Variants in RSPO2 observed in about 807,000 individuals in gnomAD.
RSPO2 encodes R-spondin-2.
Under a neutral mutation model 30.9 loss-of-function variants are expected in RSPO2, and 14 were observed. That is an observed-to-expected ratio of 0.45 (90% CI 0.30 to 0.71). RSPO2 has a LOEUF of 0.71. RSPO2 is among the 30% of genes least tolerant of loss of function. RSPO2 has a pLI of 0.08. For synonymous variants in RSPO2, 107 were observed against 96.4 expected (o/e 1.11, Z -0.64); for missense variants, 264 against 301.9 (o/e 0.87, Z 0.93).
chr8:107,904,451 A>G (rs143304622), intron 5 of RSPO2, among the ~76,000 whole-genome samples: 2 of 152,122 alleles, frequency 1.3e-5, no homozygotes, highest in African/African-American at 4.8e-5. Context: ...CTTTATCCCT[A>G]GTGTCTTGAG....
chr8:107,931,369 G>C (rs184153144), intron 5 of RSPO2, among the ~76,000 whole-genome samples: 13 of 152,222 alleles, frequency 8.5e-5, no homozygotes. Context: ...TTGGTAATTT[G>C]AGACCTGCAG....
intron 2 of RSPO2, among the ~76,000 whole-genome samples, chr8:108,047,432 T>C (rs374140382): frequency 6.6e-6 from 1 of 152,330 alleles, no homozygotes; most frequent in East Asian, 1.9e-4. Flanking sequence ...ATATATGCTC[T>C]TCAAAATACC....
At chr8:108,012,050 G>T (rs1040313296) in intron 2 of RSPO2, among the ~76,000 whole-genome samples, 2 of 152,124 alleles carry the variant, frequency 1.3e-5, no homozygotes, top group Admixed American at 6.5e-5. Context: ...ATACAGAATA[G>T]GTGGAAAGAA....
chr8:107,962,196 A>G (rs1813648192), intron 3 of RSPO2, among the ~76,000 whole-genome samples: 1 of 152,152 alleles, frequency 6.6e-6, no homozygotes, highest in Non-Finnish European at 1.5e-5. Flanking sequence ...AGTTCCTATA[A>G]GCAAAGCGAT....
intron 3 of RSPO2, among the ~76,000 whole-genome samples, chr8:107,979,610 G>T (rs1239040904): frequency 6.6e-6 from 1 of 151,892 alleles, no homozygotes; most frequent in Non-Finnish European, 1.5e-5. Context: ...GCACAACATG[G>T]CACATGTATA....
intron 2 of RSPO2, among the ~76,000 whole-genome samples, chr8:108,003,293 ATATATATATATATATATATTTTTTTTTTT>A (rs748854293): frequency 0.15 from 11,135 of 71,976 alleles, 840 homozygotes; most frequent in East Asian, 0.34. Flanking sequence ...ATATATATAT[ATATATATATATATATATATTTTTTTTTTT>A]TTTTTTTTTT....
chr8:107,993,367 C>T (rs1269463717), intron 2 of RSPO2, among the ~76,000 whole-genome samples: 2 of 152,088 alleles, frequency 1.3e-5, no homozygotes, highest in Non-Finnish European at 2.9e-5. Context: ...TATATTCAAA[C>T]TATTTGAGTT....
At chr8:107,930,249 G>T (rs986571880) in intron 5 of RSPO2, among the ~76,000 whole-genome samples, 3 of 152,142 alleles carry the variant, frequency 2.0e-5, no homozygotes, top group Admixed American at 1.3e-4. Context: ...GTTCACAGAG[G>T]TACTAAGTAA....
intron 2 of RSPO2, among the ~76,000 whole-genome samples, chr8:108,016,609 A>G (rs183780747): frequency 6.6e-6 from 1 of 152,358 alleles, no homozygotes; most frequent in East Asian, 1.9e-4. Context: ...TTTAACATAT[A>G]CACACACTAT....
At chr8:107,994,590 C>T (rs1449767165) in intron 2 of RSPO2, among the ~76,000 whole-genome samples, 2 of 152,028 alleles carry the variant, frequency 1.3e-5, no homozygotes, top group Non-Finnish European at 2.9e-5. Context: ...AGAAATGATA[C>T]AATCTGAAAT....
At chr8:108,058,281 C>T (rs1282208379) in intron 2 of RSPO2, among the ~76,000 whole-genome samples, 5 of 152,072 alleles carry the variant, frequency 3.3e-5, no homozygotes, top group African/African-American at 1.2e-4. Context: ...CCTAGGAATC[C>T]AATTTACAAG....
chr8:107,967,387 T>G (rs1489765486), intron 3 of RSPO2, among the ~76,000 whole-genome samples: 2 of 152,212 alleles, frequency 1.3e-5, no homozygotes, highest in African/African-American at 4.8e-5. Flanking sequence ...GTTATCAAAA[T>G]CATGCATTTC....
chr8:107,986,304 G>T (rs1454176788), intron 3 of RSPO2, among the ~76,000 whole-genome samples: 2 of 152,156 alleles, frequency 1.3e-5, no homozygotes, highest in African/African-American at 2.4e-5. Context: ...ATGGGGTCTT[G>T]TTAATAGCAC....
At chr8:108,025,556 A>G (rs1487480562) in intron 2 of RSPO2, among the ~76,000 whole-genome samples, 1 of 152,166 alleles carries the variant, frequency 6.6e-6, no homozygotes, top group Non-Finnish European at 1.5e-5. Flanking sequence ...GATATATCTC[A>G]TTCTGTCCCT....
At chr8:107,938,814 T>A (rs1812798313) in intron 5 of RSPO2, among the ~76,000 whole-genome samples, 1 of 152,172 alleles carries the variant, frequency 6.6e-6, no homozygotes, top group African/African-American at 2.4e-5. Flanking sequence ...TTTGATGAAC[T>A]GAGGCAGTTA....
intron 3 of RSPO2, among the ~76,000 whole-genome samples, chr8:107,980,687 T>C (rs1163936414): frequency 3.9e-5 from 6 of 152,152 alleles, no homozygotes; most frequent in Admixed American, 2.6e-4. Flanking sequence ...TGCTCATGCA[T>C]TTCCTCTAAA....
chr8:108,014,687 C>T (rs1171039719), intron 2 of RSPO2, among the ~76,000 whole-genome samples: 1 of 151,608 alleles, frequency 6.6e-6, no homozygotes, highest in Admixed American at 6.6e-5. Flanking sequence ...CACACTGGGG[C>T]CTGTCAGGTG....
chr8:108,067,598 GC>G (rs1436959007), intron 2 of RSPO2, among the ~76,000 whole-genome samples: 1 of 152,128 alleles, frequency 6.6e-6, no homozygotes, highest in African/African-American at 2.4e-5. Context: ...GTTCTTACTA[GC>G]CCTTTATATG....
intron 5 of RSPO2, among the ~76,000 whole-genome samples, chr8:107,933,006 G>A (rs1812597690): frequency 6.6e-6 from 1 of 152,162 alleles, no homozygotes; most frequent in African/African-American, 2.4e-5. Context: ...TCTACTTTAT[G>A]TGGGTGGCTG....
Sources: allele counts gnomAD v4.1 joint callset (sites outside exome capture counted in the v4.1 genomes callset), GRCh38; gene constraint gnomAD v4.1.1; transcripts MANE v1.5; gene names NCBI Gene and HGNC (gene_info 2026-07-23, HGNC 2026-07-21).